TMEM143: variants seen among roughly 807,000 people sequenced by gnomAD.
TMEM143 encodes the protein transmembrane protein 143.
Under a neutral mutation model 40.3 loss-of-function variants are expected in TMEM143, and 45 were observed. The observed-to-expected ratio is 1.12, with a 90% CI of 0.88 to 1.43. TMEM143 has a LOEUF of 1.43. Among genes scored for constraint, TMEM143 ranks in the 40% most tolerant of loss-of-function variants. The probability of loss-of-function intolerance (pLI) is 0.00; values close to 1 mark genes in which losing one functional copy is unlikely to be tolerated. For missense variants in TMEM143, 620 were observed against 613.4 expected (o/e 1.01, Z -0.11); for synonymous variants, 299 against 282.7 (o/e 1.06, Z -0.58).
At position 48,333,981 on chromosome 19, in the gene TMEM143, GGGCAGGGTCCCA is replaced by G; in HGVS notation, c.1165+15_1165+26del. 2 of 1,508,608 alleles carry G rather than the reference GGGCAGGGTCCCA, an allele frequency of 1.3e-6. No homozygotes were observed. The allele number at this position is 1,508,608 out of a possible 1,614,324, so 93.5% of individuals were successfully genotyped here. A position where few individuals can be genotyped will look rare whatever the true frequency, so the allele number is the denominator to read the frequency against. ...GGCCTCGCGGGGGTGTGGCCCCTGG[GGGCAGGGTCCCA>G]GGGCCACGTCCTACCTTCGGGCGAG... On this transcript the variant is annotated intron_variant, in intron 7 of 7. Transcript: ENST00000293261. This position sits in a 1 kb window ranked among gnomAD's most constrained non-coding sequence, Gnocchi z 4.1.
chr19:48,363,235 G>A, intron 2 of TMEM143, 56 bp downstream of exon 2: 1 of 1,551,138 alleles, frequency 6.4e-7, no homozygotes, highest in Non-Finnish European at 8.7e-7. Flanking sequence ...CCCTGCCGCC[G>A]CGAAGCCTGC....
chr19:48,332,560 G>A lies in TMEM143; in HGVS notation c.*659C>T, dbSNP rs1969236362. The A allele has an allele frequency of 6.6e-6, 1 of 152,232 alleles. No homozygotes were observed. The highest frequency in any genetic ancestry group is 1.5e-5 in the Non-Finnish European group (1 of 68,040). The allele number at this position is 152,232 out of a possible 1,614,324, so 9.4% of individuals were successfully genotyped here. On this transcript the variant is annotated 3_prime_UTR_variant, in exon 8 of 8. Coordinates refer to ENST00000293261, the MANE Select transcript of TMEM143 (RefSeq NM_018273.4). Reference sequence around the variant, plus strand: ...AGTCTTGGTGGCGAGGGTGGTTTCTGGTTCACCTACCTAGCACAAGGTCTC... The same window carrying A: ...AGTCTTGGTGGCGAGGGTGGTTTCTAGTTCACCTACCTAGCACAAGGTCTC...
In TMEM143 at chr19:48,363,189, A is replaced by C; in HGVS notation, c.264+102T>G. On this transcript the variant is annotated intron_variant, in intron 2 of 7. Coordinates refer to ENST00000293261, the MANE Select transcript of TMEM143 (RefSeq NM_018273.4). ...AAGGGACCCGGGAACTACAACTCCC[A>C]GGAGGCGCCAGGGCAGCTCTCTGCA... is the stretch of plus-strand genomic sequence containing the variant. The C allele has an allele frequency of 4.8e-6, 7 of 1,461,568 alleles. No homozygotes were observed. The South Asian group carries it at 9.8e-5, about 20-fold the overall frequency. The allele number at this position is 1,461,568 out of a possible 1,614,324, so 90.5% of individuals were successfully genotyped here. A position where few individuals can be genotyped will look rare whatever the true frequency, so the allele number is the denominator to read the frequency against.
At chr19:48,362,513 G>A (rs936818130) in intron 2 of TMEM143, among the ~76,000 whole-genome samples, 1 of 152,088 alleles carries the variant, frequency 6.6e-6, no homozygotes, top group Non-Finnish European at 1.5e-5. Flanking sequence ...AACAGAGTGA[G>A]ACCCTGTCTC....
intron 6 of TMEM143, among the ~76,000 whole-genome samples, chr19:48,336,429 G>A (rs1600894708): frequency 6.6e-6 from 1 of 152,134 alleles, no homozygotes; most frequent in East Asian, 1.9e-4. Context: ...GGAGGCTGAG[G>A]CAGGAGAGTC....
Position 48,363,585 on chromosome 19 carries a change from T to G in TMEM143, c.24-54A>C, listed in dbSNP as rs576359380. 118 of 1,541,918 alleles carry G rather than the reference T, an allele frequency of 7.7e-5. 1 individual carries two copies. In the East Asian group the frequency reaches 2.6e-3, roughly 34 times the overall value. On this transcript the variant is annotated intron_variant, in intron 1 of 7. Coordinates refer to ENST00000293261, the MANE Select transcript of TMEM143 (RefSeq NM_018273.4). ...AAGGCCATCTAGAGGAAAAGCGCCC[T>G]CTCCACCTCCACGTCCCACCCTCCA...
intron 4 of TMEM143, among the ~76,000 whole-genome samples, chr19:48,344,083 C>T (rs1477915713): frequency 6.6e-6 from 1 of 151,930 alleles, no homozygotes; most frequent in Non-Finnish European, 1.5e-5. Context: ...GATGGGGTTT[C>T]ACCATGTTGG....
At chr19:48,360,248 G>A in intron 2 of TMEM143, 72 bp from the exon 3 acceptor site, 2 of 1,437,636 alleles carry the variant, frequency 1.4e-6, no homozygotes, top group Non-Finnish European at 9.7e-7. Context: ...TCTTTCCCTG[G>A]CTGCCTAACT....
intron 2 of TMEM143, among the ~76,000 whole-genome samples, chr19:48,361,745 T>G (rs566830139): frequency 1.6e-4 from 24 of 151,416 alleles, no homozygotes; most frequent in Non-Finnish European, 2.8e-4. Context: ...GCCAGGATGG[T>G]CTCAATCTCC....
chr19:48,342,401 G>A (rs1969515424), intron 6 of TMEM143, 129 bp downstream of exon 6: 1 of 1,098,322 alleles, frequency 9.1e-7, no homozygotes, highest in Non-Finnish European at 1.2e-6. Context: ...GAATGGGAAG[G>A]AAGGAAGGGA....
Position 48,342,603 on chromosome 19 carries a change from A to G in TMEM143, c.902T>C (p.Leu301Pro), listed in dbSNP as rs1969521890. The G allele has an allele frequency of 5.6e-6, 9 of 1,613,770 alleles. No individual in the cohort carries two copies. Among genetic ancestry groups the G allele is most frequent in the African/African-American group, 1.3e-5 (1 of 75,060 alleles). The change falls in exon 6 of 8, where the codon CTA (leucine) becomes CCA (proline). Residue 301 changes from leucine (L) to proline (P), a missense_variant. Coordinates refer to ENST00000293261, the MANE Select transcript of TMEM143 (RefSeq NM_018273.4). ...GGAGGTGGCCACCTTGAGGTCGGTTAGCACCACCATGCCCACGTTGACGAA... is the reference window on the plus strand; with the variant it reads ...GGAGGTGGCCACCTTGAGGTCGGTTGGCACCACCATGCCCACGTTGACGAA... ...AIFVNVGMVV[L>P]TDLKVATSLL...
At chr19:48,336,701 C>CA (rs967953237) in intron 6 of TMEM143, among the ~76,000 whole-genome samples, 18 of 142,080 alleles carry the variant, frequency 1.3e-4, no homozygotes, top group Admixed American at 4.2e-4. Context: ...CACTGTGTCT[C>CA]AAAAAAAAAA....
intron 2 of TMEM143, among the ~76,000 whole-genome samples, chr19:48,361,982 ATG>A (rs556690825): frequency 1.7e-3 from 262 of 151,954 alleles, no homozygotes; most frequent in Non-Finnish European, 3.1e-3. Context: ...CTATATACAC[ATG>A]TGTTTACATA....
chr19:48,345,544 C>T (rs536506440), intron 3 of TMEM143, among the ~76,000 whole-genome samples, 190 bp from the exon 4 acceptor site: 1 of 152,012 alleles, frequency 6.6e-6, no homozygotes, highest in South Asian at 2.1e-4. Flanking sequence ...CTGCAACCTC[C>T]ACCTCCCGGG....
rs572919994 is a variant in TMEM143 at position 48,361,703 on chromosome 19, G to A, written c.265-1527C>T. On this transcript the variant is annotated intron_variant, in intron 2 of 7. Transcript: ENST00000293261. ...TGCCACCTCGCCCGGCTAATTTTTTGTATTTTTAGTAGAGACGGTTTCATC... is the reference window on the plus strand; with the variant it reads ...TGCCACCTCGCCCGGCTAATTTTTTATATTTTTAGTAGAGACGGTTTCATC... Among the ~76,000 whole-genome samples, 13 of 151,468 alleles carry A rather than the reference G, an allele frequency of 8.6e-5. No homozygotes were observed. The South Asian group carries it at 2.7e-3, about 31-fold the overall frequency.
intron 6 of TMEM143, among the ~76,000 whole-genome samples, chr19:48,337,927 C>T (rs1013891577): frequency 5.9e-5 from 9 of 152,258 alleles, no homozygotes; most frequent in East Asian, 1.9e-4. Flanking sequence ...TCTGCCAAGC[C>T]GATGGAGCTG....
chr19:48,333,306 G>A lies in TMEM143; in HGVS notation c.1293C>T (p.Tyr431=), dbSNP rs151173394. The A allele has an allele frequency of 5.6e-6, 9 of 1,601,862 alleles. No homozygotes were observed. Among genetic ancestry groups the A allele is most frequent in the Middle Eastern group, 1.7e-4 (1 of 6,030 alleles). ...CTAGTTTGGGGAAACCCGGGGGTGG[G>A]TACAATCCCATGCTGGGGGTCAGGG... The part of the protein sequence containing the change: ...LQALTPSMGL[Y]PPPGFPKLDP... Residue 431 remains tyrosine, a synonymous_variant, in exon 8 of 8, where the codon TAC becomes TAT. Transcript: ENST00000293261. This position sits in a 1 kb window ranked among gnomAD's most constrained non-coding sequence, Gnocchi z 4.1.
intron 6 of TMEM143, among the ~76,000 whole-genome samples, chr19:48,336,963 G>A (rs1969384252): frequency 1.3e-5 from 2 of 151,724 alleles, no homozygotes; most frequent in Admixed American, 1.3e-4. Context: ...GGAGCTTGCA[G>A]TGAGCTGAGA....
chr19:48,362,597 G>A (rs1043431557), intron 2 of TMEM143, among the ~76,000 whole-genome samples: 1 of 152,178 alleles, frequency 6.6e-6, no homozygotes, highest in Non-Finnish European at 1.5e-5. Context: ...TGATGATGGT[G>A]GCAATAAGAC....
Sources: gnomAD v4.1 joint callset for allele counts (sites outside exome capture counted in the v4.1 genomes callset) on GRCh38, gnomAD v4.1.1 for gene constraint, Gnocchi (gnomAD v3.1) non-coding constraint, MANE v1.5 for transcripts, NCBI Gene and HGNC (gene_info 2026-07-23, HGNC 2026-07-21) for gene names.